Variants in NOC4L observed in about 807,000 individuals in gnomAD.
NOC4L encodes nucleolar complex associated 4 homolog, also known as nucleolar complex protein 4 homolog.
NOC4L carries 40 observed loss-of-function variants against 62.8 expected under a neutral mutation model. The observed-to-expected ratio is 0.64, with a 90% CI of 0.49 to 0.83. The LOEUF is 0.83. Among genes scored for constraint, NOC4L ranks in the 40% least tolerant of loss-of-function variants. The pLI is 0.00. For synonymous variants in NOC4L, 433 were observed against 299.8 expected, an observed-to-expected ratio of 1.44 and a Z score of -4.59; for missense variants, 927 against 701.9, an observed-to-expected ratio of 1.32 and a Z score of -3.62.
intron 3 of NOC4L, 78 bp from the exon 4 acceptor site, chr12:132,147,203 G>T (rs1214950908): frequency 1.4e-5 from 16 of 1,123,372 alleles, no homozygotes; most frequent in South Asian, 5.4e-5. Context: ...GATGGGAGGG[G>T]CTCCCTGACT....
chr12:132,148,807 G>T lies in NOC4L; in HGVS notation c.813G>T (p.Lys271Asn). ...AGCTGCCCCTCAGCCTCTACAAGAA[G>T]GTGCTGCTGATTGTGCATGACGCCA... ...KHKLPLSLYK[K>N]VLLIVHDAIL... Residue 271 changes from lysine (K) to asparagine (N), a missense_variant, in exon 9 of 15, where the codon AAG becomes AAT. Physicochemically the swap from Lys to Asn is moderately conservative, Grantham distance 94. Transcript: ENST00000330579. The T allele has an allele frequency of 6.3e-7, 1 of 1,593,532 alleles. No homozygotes were observed.
intron 3 of NOC4L, 30 bp downstream of exon 3, chr12:132,145,695 C>G (rs1223427802): frequency 6.8e-7 from 1 of 1,477,602 alleles, no homozygotes. Context: ...TCATCCTTGT[C>G]CATCCCCTGC....
At chr12:132,145,514 C>A (rs962628705) in intron 2 of NOC4L, 45 bp from the exon 3 acceptor site, 2 of 1,309,056 alleles carry the variant, frequency 1.5e-6, no homozygotes, top group Non-Finnish European at 2.2e-6. Context: ...CCCAGGGTGG[C>A]GTATGTGGGC....
chr12:132,152,126 A>G lies in NOC4L; in HGVS notation c.1360A>G (p.Ser454Gly), dbSNP rs1289406306. The G allele has an allele frequency of 8.9e-6, 14 of 1,577,732 alleles. No individual in the cohort carries two copies. The Admixed American group carries it at 2.4e-4, about 27-fold the overall frequency. ...HYHPEVSKAA[S>G]VINQALSMPE... ...CCACCCTGAGGTGTCCAAAGCCGCC[A>G]GCGTCATCAACCAGGCCCTGTCCAT... The change falls in exon 14 of 15, where the codon AGC becomes GGC. Residue 454 changes from serine to glycine, a missense_variant. Physicochemically the swap from Ser to Gly is moderately conservative, Grantham distance 56. Coordinates refer to ENST00000330579, the MANE Select transcript of NOC4L (RefSeq NM_024078.3).
At chr12:132,148,735 C>CGGGGGGGGGGGGGGG in intron 8 of NOC4L, 49 bp from the exon 9 acceptor site, 1 of 1,309,292 alleles carries the variant, frequency 7.6e-7, no homozygotes, top group Non-Finnish European at 1.0e-6. Flanking sequence ...CCCGACCCGC[C>CGGGGGGGGGGGGGGG]GGCCCCCGCC....
chr12:132,152,455 A>G lies in NOC4L; in HGVS notation c.*54A>G. The G allele has an allele frequency of 6.6e-7, 1 of 1,512,926 alleles. No homozygotes were observed. The highest frequency in any genetic ancestry group is 8.9e-7 in the Non-Finnish European group (1 of 1,125,318). The allele number at this position is 1,512,926 out of a possible 1,614,324, so 93.7% of individuals were successfully genotyped here. On this transcript the variant is annotated 3_prime_UTR_variant, in exon 15 of 15. Transcript: ENST00000330579. ...CTGACCCCAGCCCACCTGTGAATAA[A>G]TGTTTTTGCAGGAGAAAGGCTCAGG...
chr12:132,147,701 C>T lies in NOC4L; in HGVS notation c.522C>T (p.Tyr174=). 2 of 1,612,944 alleles carry T rather than the reference C, an allele frequency of 1.2e-6. No homozygotes were observed. The highest frequency in any genetic ancestry group is 1.1e-5 in the South Asian group (1 of 91,082). The change falls in exon 5 of 15, where the codon TAC becomes TAT. Residue 174 remains tyrosine, a synonymous_variant. Coordinates refer to ENST00000330579, the MANE Select transcript of NOC4L (RefSeq NM_024078.3). ...TGCTCCTGTCCCAGTTCCGGGAGTACCTGGACTACGACGACACCCGCTACC... is the reference window on the plus strand; with the variant it reads ...TGCTCCTGTCCCAGTTCCGGGAGTATCTGGACTACGACGACACCCGCTACC... ...QSLLLSQFRE[Y]LDYDDTRYHT...
rs1897647060 is a variant in NOC4L at position 132,144,843 on chromosome 12, C to CG, written c.118-11_118-10insG. On this transcript the variant is annotated splice_polypyrimidine_tract_variant and intron_variant, in intron 1 of 14. Transcript: ENST00000330579. ...TGGCGGCCGGGCACCCTGCCGCCGC[C>CG]TCTCCTGCAGTCTGAGGACCAGGAG... is the stretch of plus-strand genomic sequence containing the variant. The CG allele has an allele frequency of 1.3e-6, 2 of 1,596,734 alleles. No individual in the cohort carries two copies. Among genetic ancestry groups the CG allele is most frequent in the Non-Finnish European group, 1.7e-6 (2 of 1,173,934 alleles).
intron 9 of NOC4L, 56 bp from the exon 10 acceptor site, chr12:132,150,925 G>T (rs1897910487): frequency 3.1e-6 from 4 of 1,302,440 alleles, no homozygotes; most frequent in Admixed American, 1.8e-5. Flanking sequence ...GTGTGGGCAG[G>T]GGGTAGGGTG....
In NOC4L at chr12:132,144,845, C is replaced by T. The variant is rs1897647229; in HGVS notation, c.118-9C>T. The T allele has an allele frequency of 1.3e-6, 2 of 1,597,580 alleles. No homozygotes were observed. The highest frequency in any genetic ancestry group is 1.7e-6 in the Non-Finnish European group (2 of 1,174,418). On this transcript the variant is annotated splice_polypyrimidine_tract_variant and intron_variant, in intron 1 of 14. Coordinates refer to ENST00000330579, the MANE Select transcript of NOC4L (RefSeq NM_024078.3). ...GCGGCCGGGCACCCTGCCGCCGCCT[C>T]TCCTGCAGTCTGAGGACCAGGAGGA... is the stretch of plus-strand genomic sequence containing the variant.
intron 2 of NOC4L, among the ~76,000 whole-genome samples, chr12:132,145,274 C>T (rs1020687246): frequency 2.6e-5 from 4 of 152,166 alleles, no homozygotes; most frequent in Non-Finnish European, 5.9e-5. Context: ...TCCTTTATGT[C>T]CCCATCCTGG....
At position 132,147,700 on chromosome 12, in the gene NOC4L, A is replaced by T. The variant is rs1897775891; in HGVS notation, c.521A>T (p.Tyr174Phe). The T allele has an allele frequency of 1.9e-6, 3 of 1,612,712 alleles. No individual in the cohort carries two copies. The highest frequency in any genetic ancestry group is 1.7e-6 in the Non-Finnish European group (2 of 1,179,940). ...QSLLLSQFRE[Y>F]LDYDDTRYHT... ...CTGCTCCTGTCCCAGTTCCGGGAGT[A>T]CCTGGACTACGACGACACCCGCTAC... The change falls in exon 5 of 15, where the codon TAC (tyrosine) becomes TTC (phenylalanine). Residue 174 changes from tyrosine (Y) to phenylalanine (F), a missense_variant. By Grantham distance (22) the Tyr-to-Phe change is conservative. Transcript: ENST00000330579.
At position 132,151,490 on chromosome 12, in the gene NOC4L, C is replaced by A. The variant is rs781010093; in HGVS notation, c.1080C>A (p.Leu360=). 6.2e-7 allele frequency: 1 copy of A among 1,602,502 alleles called. No individual in the cohort carries two copies. Among genetic ancestry groups the A allele is most frequent in the Non-Finnish European group, 8.5e-7 (1 of 1,179,144 alleles). Residue 360 remains leucine, a synonymous_variant, in exon 12 of 15, where the codon CTC becomes CTA. Coordinates refer to ENST00000330579, the MANE Select transcript of NOC4L (RefSeq NM_024078.3). ...CAACCACTGCCCTGCCCAGCCACCT[C>A]CCCGCCTACCTGGTGGCCGCCTTCG... The part of the protein sequence containing the change: ...LADLFLSSSH[L]PAYLVAAFAK...
chr12:132,148,467 G>C, intron 7 of NOC4L, 142 bp from the exon 8 acceptor site: 1 of 906,772 alleles, frequency 1.1e-6, no homozygotes, highest in South Asian at 1.6e-5. Context: ...CTTGAATGGG[G>C]ACAGGAAGAA....
At position 132,151,055 on chromosome 12, in the gene NOC4L, G is replaced by A. The variant is rs1256300458; in HGVS notation, c.962+14G>A. 5 of 1,607,076 alleles carry A rather than the reference G, an allele frequency of 3.1e-6. No homozygotes were observed. The highest frequency in any genetic ancestry group is 1.1e-5 in the South Asian group (1 of 90,326). ...CAAACACAACCTGTGAGTGTCACCA[G>A]GGGTGCAGGTCTTCTTCCCAGTCTG... On this transcript the variant is annotated intron_variant, in intron 10 of 14. Coordinates refer to ENST00000330579, the MANE Select transcript of NOC4L (RefSeq NM_024078.3).
chr12:132,152,429 G>C lies in NOC4L; in HGVS notation c.*28G>C, dbSNP rs1451827000. ...CTGGCCCACCTGTGAATAAATCTCA[G>C]CTGACCCCAGCCCACCTGTGAATAA... On this transcript the variant is annotated 3_prime_UTR_variant, in exon 15 of 15. Coordinates refer to ENST00000330579, the MANE Select transcript of NOC4L (RefSeq NM_024078.3). The C allele has an allele frequency of 6.4e-7, 1 of 1,556,270 alleles. No individual in the cohort carries two copies. Among genetic ancestry groups the C allele is most frequent in the East Asian group, 2.4e-5 (1 of 42,166 alleles).
chr12:132,151,898 C>A, intron 13 of NOC4L, 78 bp downstream of exon 13: 2 of 1,431,154 alleles, frequency 1.4e-6, no homozygotes, highest in East Asian at 2.4e-5. Context: ...CCCCGTGCCA[C>A]CTCCCGCATA....
chr12:132,148,464 G>C, intron 7 of NOC4L, 145 bp from the exon 8 acceptor site: 1 of 884,982 alleles, frequency 1.1e-6, no homozygotes. Flanking sequence ...TGACTTGAAT[G>C]GGGACAGGAA....
intron 9 of NOC4L, 100 bp from the exon 10 acceptor site, chr12:132,150,881 G>A (rs1897908641): frequency 1.2e-6 from 1 of 849,454 alleles, no homozygotes; most frequent in Admixed American, 2.1e-5. Context: ...GGGGACAGCA[G>A]GGGCAGAGGC....
Sources: allele counts gnomAD v4.1 joint callset (sites outside exome capture counted in the v4.1 genomes callset), GRCh38; gene constraint gnomAD v4.1.1; transcripts MANE v1.5; gene names NCBI Gene and HGNC (gene_info 2026-07-23, HGNC 2026-07-21).